The following PLEKHA5 variants were observed in gnomAD, a reference collection of about 807,000 sequenced individuals.
The protein encoded by PLEKHA5 is pleckstrin homology domain-containing family A member 5.
A neutral mutation model predicts 181.9 loss-of-function variants in PLEKHA5; 55 were observed. That is an observed-to-expected ratio of 0.30 (90% CI 0.24 to 0.38). The LOEUF (loss-of-function observed/expected upper bound fraction) is 0.38, where lower values mean the gene tolerates loss of function less well. Ranked by LOEUF, PLEKHA5 falls within the 10% of genes least tolerant of loss-of-function variation. The probability of loss-of-function intolerance (pLI) is 1.00; values close to 1 mark genes in which losing one functional copy is unlikely to be tolerated. For synonymous variants in PLEKHA5, 535 were observed against 529.4 expected, an observed-to-expected ratio of 1.01 and a Z score of -0.15; for missense variants, 1,432 against 1,549.5, an observed-to-expected ratio of 0.92 and a Z score of 1.27.
At chr12:19,327,180 A>G (rs1267486284) in intron 20 of PLEKHA5, among the ~76,000 whole-genome samples, 1 of 150,910 alleles carries the variant, frequency 6.6e-6, no homozygotes, top group Non-Finnish European at 1.5e-5. Context: ...GGCTGAACTA[A>G]TTTATATCTC....
chr12:19,135,085 G>T (rs1475407860), intron 3 of PLEKHA5, among the ~76,000 whole-genome samples: 1 of 152,116 alleles, frequency 6.6e-6, no homozygotes, highest in Non-Finnish European at 1.5e-5. Flanking sequence ...CTGTGTTCTG[G>T]AAAGTTCTCA....
chr12:19,346,775 A>T (rs183416068), intron 23 of PLEKHA5, among the ~76,000 whole-genome samples: 24 of 152,324 alleles, frequency 1.6e-4, no homozygotes, highest in Admixed American at 1.6e-3. Flanking sequence ...GCTAACCTAT[A>T]TGTTACAGGA....
chr12:19,152,589 ATTTTTTATATACTACTTATATATGATGG>A (rs2040689817), intron 3 of PLEKHA5: 1 of 152,180 alleles, frequency 6.6e-6, no homozygotes, highest in Non-Finnish European at 1.5e-5. Context: ...GTCCAATGAT[ATTTTTTATATACTACTTATATATGATGG>A]TAATAATTAA....
intron 15 of PLEKHA5, among the ~76,000 whole-genome samples, chr12:19,297,975 G>T (rs1259744549): frequency 2.6e-5 from 4 of 152,102 alleles, no homozygotes; most frequent in Non-Finnish European, 5.9e-5. Context: ...GGAGGCCAAG[G>T]TGGGTGGATC....
chr12:19,205,523 T>G (rs1308839361), intron 3 of PLEKHA5: 2 of 235,714 alleles, frequency 8.5e-6, no homozygotes, highest in African/African-American at 4.7e-5. Context: ...TACTTATATC[T>G]GCTGCTTTTT....
intron 15 of PLEKHA5, among the ~76,000 whole-genome samples, chr12:19,296,177 T>C (rs547442916): frequency 6.6e-6 from 1 of 151,180 alleles, no homozygotes; most frequent in Admixed American, 6.6e-5. Context: ...GAGGCAGAGG[T>C]TGTGGTGAGC....
At chr12:19,268,606 T>G (rs1424007445) in intron 8 of PLEKHA5, among the ~76,000 whole-genome samples, 1 of 152,178 alleles carries the variant, frequency 6.6e-6, no homozygotes, top group Non-Finnish European at 1.5e-5. Flanking sequence ...AGACAATTAT[T>G]GAACACAAGC....
chr12:19,129,955 A>G, intron 1 of PLEKHA5, 67 bp downstream of exon 1: 2 of 1,481,200 alleles, frequency 1.4e-6, no homozygotes, highest in Non-Finnish European at 1.8e-6. Context: ...GGCTGGCGAC[A>G]CGGGGGAGAG....
chr12:19,224,199 CTA>C, intron 3 of PLEKHA5, among the ~76,000 whole-genome samples: 1 of 152,232 alleles, frequency 6.6e-6, no homozygotes, highest in South Asian at 2.1e-4. Flanking sequence ...TGTTAGAAAA[CTA>C]TAGCTATTTT....
chr12:19,354,282 G>A (rs2094791166), intron 26 of PLEKHA5, among the ~76,000 whole-genome samples: 1 of 146,456 alleles, frequency 6.8e-6, no homozygotes, highest in Admixed American at 7.0e-5. Flanking sequence ...CTCCGGAGTA[G>A]CTGGGACTAC....
In PLEKHA5 at chr12:19,257,237, A is replaced by G. The variant is rs71463032; in HGVS notation, c.433-196A>G. Among the ~76,000 whole-genome samples, 453 of 152,256 alleles carry G rather than the reference A, an allele frequency of 3.0e-3. 1 individual carries two copies. The highest frequency in any genetic ancestry group is 4.7e-3 in the Non-Finnish European group (319 of 67,988). ...TGTAAAACTTGTGATACCCTGGGGG[A>G]AAAATTTTTGGTGCGGAATTCTTAC... On this transcript the variant is annotated intron_variant, in intron 5 of 31. Transcript: ENST00000429027.
intron 15 of PLEKHA5, among the ~76,000 whole-genome samples, chr12:19,292,180 C>A (rs1359912991): frequency 6.6e-6 from 1 of 151,160 alleles, no homozygotes; most frequent in Non-Finnish European, 1.5e-5. Context: ...CTGAGGCAGG[C>A]GGCTCACTGG....
At chr12:19,206,310 ATTG>A (rs2055497668) in intron 3 of PLEKHA5, among the ~76,000 whole-genome samples, 1 of 151,996 alleles carries the variant, frequency 6.6e-6, no homozygotes, top group African/African-American at 2.4e-5. Flanking sequence ...AAATCTATAC[ATTG>A]TTATTTTCAT....
chr12:19,180,175 A>G (rs967432161), intron 3 of PLEKHA5, among the ~76,000 whole-genome samples: 2 of 152,182 alleles, frequency 1.3e-5, no homozygotes, highest in African/African-American at 4.8e-5. Context: ...GCAAATCTCA[A>G]ACTGTCAGCT....
At chr12:19,192,492 GT>G (rs2051391792) in intron 3 of PLEKHA5, among the ~76,000 whole-genome samples, 1 of 152,170 alleles carries the variant, frequency 6.6e-6, no homozygotes, top group South Asian at 2.1e-4. Context: ...GAAGTCAGGA[GT>G]TCAAGACCAG....
chr12:19,219,697 AT>A (rs1355964363), intron 3 of PLEKHA5, among the ~76,000 whole-genome samples: 4 of 151,526 alleles, frequency 2.6e-5, no homozygotes, highest in African/African-American at 4.9e-5. Context: ...GCTTTAATTG[AT>A]TTTTTTCCCA....
rs2058216976 is a variant in PLEKHA5, at chr12:19,217,698, C to T, written c.228-36242C>T. ...TCGTCAAAAGCTGCGTAGACATCAACAGTATGAGAAAGAAACAGAGATCAT... is the reference window on the plus strand; with the variant it reads ...TCGTCAAAAGCTGCGTAGACATCAATAGTATGAGAAAGAAACAGAGATCAT... On this transcript the variant is annotated intron_variant, in intron 3 of 31. Transcript: ENST00000429027. Among the ~76,000 whole-genome samples, 6 of 152,182 alleles carry T rather than the reference C, an allele frequency of 3.9e-5. No homozygotes were observed. In the South Asian group the frequency reaches 1.2e-3, roughly 32 times the overall value.
At chr12:19,326,010 A>C (rs1030807607) in intron 20 of PLEKHA5, among the ~76,000 whole-genome samples, 3 of 152,032 alleles carry the variant, frequency 2.0e-5, no homozygotes, top group African/African-American at 7.2e-5. Flanking sequence ...TCTGTCTCAA[A>C]AAAATAAAAT....
In PLEKHA5 at chr12:19,320,921, C is replaced by G. The variant is rs183503540; in HGVS notation, c.2217+297C>G. 74 of 175,258 alleles carry G rather than the reference C, an allele frequency of 4.2e-4. 1 individual carries two copies. The highest frequency in any genetic ancestry group is 1.4e-3 in the African/African-American group (61 of 42,284). The allele number at this position is 175,258 out of a possible 1,614,324, so 10.9% of individuals were successfully genotyped here. A position where few individuals can be genotyped will look rare whatever the true frequency, so the allele number is the denominator to read the frequency against. On this transcript the variant is annotated intron_variant, in intron 18 of 31. Transcript: ENST00000429027. ...GTGGCCCACACCTTTAATCCCAGCACTTTGGGAAGCCGAGGCGGGCGGATC... is the reference window on the plus strand; with the variant it reads ...GTGGCCCACACCTTTAATCCCAGCAGTTTGGGAAGCCGAGGCGGGCGGATC...
Sources: gnomAD v4.1 joint callset for allele counts (sites outside exome capture counted in the v4.1 genomes callset) on GRCh38, gnomAD v4.1.1 for gene constraint, MANE v1.5 for transcripts, NCBI Gene and HGNC (gene_info 2026-07-23, HGNC 2026-07-21) for gene names.